ZNF611: variants seen among roughly 807,000 people sequenced by gnomAD.
ZNF611 encodes the protein zinc finger protein 611.
Under a neutral mutation model 8.9 loss-of-function variants are expected in ZNF611, and 6 were observed. The ratio of observed to expected loss-of-function variants is 0.68; its 90% CI spans 0.37 to 1.34. ZNF611 has a LOEUF of 1.34. Ranked by LOEUF, ZNF611 falls within the 40% of genes most tolerant of loss-of-function variation. ZNF611 has a pLI of 0.02. For synonymous variants in ZNF611, 262 were observed against 279.7 expected (o/e 0.94, Z 0.63); for missense variants, 874 against 841.3 (o/e 1.04, Z -0.48).
At position 52,705,231 on chromosome 19, in the gene ZNF611, G is replaced by A. The variant is rs1568598761; in HGVS notation, c.1824C>T (p.Ser608=). Residue 608 remains serine, a synonymous_variant, in exon 6 of 6, where the codon TCC becomes TCT. Transcript: ENST00000652185. ...TATGAAGTCTACGATGGCAATGAAGGGATGACCTGCGACTGAAGGTCTTGC... is the reference window on the plus strand; with the variant it reads ...TATGAAGTCTACGATGGCAATGAAGAGATGACCTGCGACTGAAGGTCTTGC... ...ECSKTFSRRS[S]LHCHRRLHSG... The A allele has an allele frequency of 6.2e-7, 1 of 1,614,050 alleles. No homozygotes were observed. Among genetic ancestry groups the A allele is most frequent in the Non-Finnish European group, 8.5e-7 (1 of 1,180,016 alleles).
Position 52,704,012 on chromosome 19 carries a change from G to A in ZNF611, c.*925C>T, listed in dbSNP as rs974648481. 5.0e-5 allele frequency: 9 copies of A among 180,508 alleles called. No individual in the cohort carries two copies. Among genetic ancestry groups the A allele is most frequent in the African/African-American group, 1.9e-4 (8 of 41,730 alleles). 11.2% of individuals were successfully genotyped at this position (180,508 alleles called of 1,614,324 possible). A position where few individuals can be genotyped will look rare whatever the true frequency, so the allele number is the denominator to read the frequency against. On this transcript the variant is annotated 3_prime_UTR_variant, in exon 6 of 6. Transcript: ENST00000652185. ...AATAGAAAATAAGAAACAAAAAACA[G>A]GCTGAGAAAAGTGGCTCACATCTGT...
chr19:52,719,140 G>A (rs2062337431), intron 3 of ZNF611, among the ~76,000 whole-genome samples: 1 of 152,144 alleles, frequency 6.6e-6, no homozygotes, highest in Non-Finnish European at 1.5e-5. Flanking sequence ...CTGCACTCCA[G>A]CTTGCCTGAC....
Position 52,715,923 on chromosome 19 carries a change from A to C in ZNF611, c.-19-10T>G, listed in dbSNP as rs1301136835. ...TCTTTAGGAATCAATCCTGTATGTG[A>C]AAAAAAATGAGACTTCATGTTAGAA... On this transcript the variant is annotated splice_polypyrimidine_tract_variant and intron_variant, in intron 3 of 5. Transcript: ENST00000652185. The C allele has an allele frequency of 6.2e-7, 1 of 1,602,724 alleles. No individual in the cohort carries two copies. Among genetic ancestry groups the C allele is most frequent in the Non-Finnish European group, 8.5e-7 (1 of 1,175,044 alleles).
At chr19:52,724,106 C>T (rs1335602136) in intron 3 of ZNF611, 2 of 152,210 alleles carry the variant, frequency 1.3e-5, no homozygotes, top group Non-Finnish European at 2.9e-5. Flanking sequence ...CTTTCACTAA[C>T]CGTCCTCAGC....
chr19:52,706,241 G>A lies in ZNF611; in HGVS notation c.814C>T (p.Gln272Ter). 1 of 1,614,146 alleles carries A rather than the reference G, an allele frequency of 6.2e-7. No homozygotes were observed. Among genetic ancestry groups the A allele is most frequent in the Non-Finnish European group, 8.5e-7 (1 of 1,180,020 alleles). ...DVCGKLFNHE[Q>*]YLACHDRCHT... is the part of the protein sequence containing the mutation. ...CATCTATCATGGCATGCAAGGTATT[G>A]CTCGTGATTAAAGAGCTTGCCACAT... Residue 272 changes from glutamine to a stop codon, truncating the protein, a stop_gained, in exon 6 of 6, where the codon CAA (glutamine) becomes TAA (stop). Transcript: ENST00000652185. LOFTEE classifies it low-confidence loss of function (END_TRUNC).
rs377625786 is a variant in ZNF611 at position 52,714,057 on chromosome 19, T to C, written c.148A>G (p.Arg50Gly). 1.7e-5 allele frequency: 27 copies of C among 1,614,102 alleles called. No individual in the cohort carries two copies. Among genetic ancestry groups the C allele is most frequent in the Middle Eastern group, 1.6e-4 (1 of 6,062 alleles). Residue 50 changes from arginine (R) to glycine (G), a missense_variant, in exon 5 of 6, where the codon AGG becomes GGG. Coordinates refer to ENST00000652185, the MANE Select transcript of ZNF611 (RefSeq NM_001161499.2). ...CLNPSQRALY[R>G]EVMLENYRNL... ...CTGTAGTTCTCCAACATCACTTCCC[T>C]GTACAAAGCCCTCTGTGAAGGGTTC...
intron 5 of ZNF611, among the ~76,000 whole-genome samples, chr19:52,712,426 C>G (rs1231596878): frequency 7.6e-6 from 1 of 131,552 alleles, no homozygotes; most frequent in East Asian, 2.1e-4. Flanking sequence ...ACTAGCCTGG[C>G]CAGCATGCAT....
intron 5 of ZNF611, among the ~76,000 whole-genome samples, chr19:52,713,488 G>C (rs147388223): frequency 1.3e-5 from 2 of 152,232 alleles, no homozygotes; most frequent in East Asian, 3.9e-4. Flanking sequence ...TGATGTCCTC[G>C]CTGGGAGGAA....
chr19:52,705,566 G>T lies in ZNF611; in HGVS notation c.1489C>A (p.Leu497Ile). 6.2e-7 allele frequency: 1 copy of T among 1,614,014 alleles called. No individual in the cohort carries two copies. The highest frequency in any genetic ancestry group is 8.5e-7 in the Non-Finnish European group (1 of 1,180,026). ...CGKTFGQNSD[L>I]LIHKSIHTGE... is the part of the protein sequence containing the mutation. Reference sequence around the variant, plus strand: ...GTATGAATTGACTTATGAATTAAAAGATCTGAATTTTGACCAAAGGTCTTC... The same window carrying T: ...GTATGAATTGACTTATGAATTAAAATATCTGAATTTTGACCAAAGGTCTTC... Residue 497 changes from leucine to isoleucine, a missense_variant, in exon 6 of 6, where the codon CTT (leucine) becomes ATT (isoleucine). Leu to Ile is a conservative substitution (Grantham distance 5, BLOSUM62 2). Coordinates refer to ENST00000652185, the MANE Select transcript of ZNF611 (RefSeq NM_001161499.2).
In ZNF611 at chr19:52,705,433, T is replaced by G. The variant is rs775018909; in HGVS notation, c.1622A>C (p.Lys541Thr). Reference protein sequence around the residue: ...GHTGEKPYKCKVCDKAFACHS... With the variant: ...GHTGEKPYKCTVCDKAFACHS... Reference sequence around the variant, plus strand: ...ACACGCAAAAGCCTTGTCACAAACCTTACATTTGTATGGTTTCTCTCCAGT... The same window carrying G: ...ACACGCAAAAGCCTTGTCACAAACCGTACATTTGTATGGTTTCTCTCCAGT... Residue 541 changes from lysine to threonine, a missense_variant, in exon 6 of 6, where the codon AAG becomes ACG. Lys to Thr is a moderately conservative substitution (Grantham distance 78, BLOSUM62 -1). Transcript: ENST00000652185. 2.5e-6 allele frequency: 4 copies of G among 1,614,204 alleles called. No homozygotes were observed. The highest frequency in any genetic ancestry group is 3.4e-6 in the Non-Finnish European group (4 of 1,180,038).
rs758419557 is a variant in ZNF611, at chr19:52,706,005, C to G, written c.1050G>C (p.Lys350Asn). ...ENPYKCNECD[K>N]AFNQQSQLSH... The stretch of plus-strand genomic sequence containing the variant: ...AAAGTTGTGATTGTTGATTAAAAGC[C>G]TTGTCACATTCATTACACTTGTAAG... Residue 350 changes from lysine to asparagine, a missense_variant, in exon 6 of 6, where the codon AAG becomes AAC. Lys to Asn is a moderately conservative substitution (Grantham distance 94). Transcript: ENST00000652185. 1 of 1,614,190 alleles carries G rather than the reference C, an allele frequency of 6.2e-7. No homozygotes were observed. Among genetic ancestry groups the G allele is most frequent in the Admixed American group, 1.7e-5 (1 of 60,020 alleles).
intron 3 of ZNF611, chr19:52,716,173 C>T (rs1456895111): frequency 6.1e-5 from 24 of 393,606 alleles, no homozygotes; most frequent in Non-Finnish European, 4.7e-5. Flanking sequence ...GACTGATCTC[C>T]CCTTCAGGGC....
intron 4 of ZNF611, among the ~76,000 whole-genome samples, chr19:52,714,810 C>T (rs12981327): frequency 0.64 from 35,890 of 56,510 alleles, 15,019 homozygotes; most frequent in African/African-American, 0.87. Context: ...CCATCCTGGT[C>T]AACATGGCAA....
At chr19:52,706,935 T>C (rs1363439268) in intron 5 of ZNF611, 71 bp from the exon 6 acceptor site, 15 of 1,529,268 alleles carry the variant, frequency 9.8e-6, no homozygotes, top group East Asian at 9.0e-5. Flanking sequence ...TGCATAAATA[T>C]GACACAAAAA....
intron 3 of ZNF611, chr19:52,716,266 A>C (rs2062316808): frequency 5.1e-6 from 1 of 195,768 alleles, no homozygotes; most frequent in Non-Finnish European, 1.1e-5. Context: ...AGCCCTCAGA[A>C]ATGCAGGACT....
intron 4 of ZNF611, among the ~76,000 whole-genome samples, chr19:52,715,442 C>T (rs1308465278): frequency 6.6e-6 from 1 of 152,168 alleles, no homozygotes; most frequent in African/African-American, 2.4e-5. Context: ...CCTTATTATT[C>T]TCCTTTTCCA....
intron 3 of ZNF611, among the ~76,000 whole-genome samples, chr19:52,727,907 C>CTTT (rs11319896): frequency 4.7e-5 from 5 of 105,882 alleles, no homozygotes; most frequent in African/African-American, 7.4e-5. Flanking sequence ...TGTTGTGTGC[C>CTTT]TTTTTTTTTT....
chr19:52,712,456 TAAAAAAAAAAAAAAAAA>T (rs55649603), intron 5 of ZNF611, among the ~76,000 whole-genome samples: 14 of 37,438 alleles, frequency 3.7e-4, no homozygotes, highest in Admixed American at 4.8e-4. Flanking sequence ...CTGTCTCTAC[TAAAAAAAAAAAAAAAAA>T]AAAAAAAAAA....
At chr19:52,713,048 T>C (rs2147425355) in intron 5 of ZNF611, among the ~76,000 whole-genome samples, 1 of 152,044 alleles carries the variant, frequency 6.6e-6, no homozygotes, top group African/African-American at 2.4e-5. Flanking sequence ...TACCAAAAAT[T>C]AGTCGGGTGT....
Sources: gnomAD v4.1 joint callset for allele counts (sites outside exome capture counted in the v4.1 genomes callset) on GRCh38, gnomAD v4.1.1 for gene constraint, MANE v1.5 for transcripts, NCBI Gene and HGNC (gene_info 2026-07-23, HGNC 2026-07-21) for gene names.